EXOC2: variants seen among roughly 807,000 people sequenced by gnomAD.
EXOC2 encodes the protein exocyst complex component 2, also known as SEC5-like 1.
A neutral mutation model predicts 131.8 loss-of-function variants in EXOC2; 70 were observed. The observed-to-expected ratio is 0.53, with a 90% confidence interval of 0.44 to 0.65. The LOEUF (loss-of-function observed/expected upper bound fraction) is 0.65. EXOC2 is among the 30% of genes least tolerant of loss of function. The probability of loss-of-function intolerance (pLI) is 0.00; values close to 1 mark genes in which losing one functional copy is unlikely to be tolerated. For missense variants in EXOC2, 923 were observed against 1,108.6 expected, an observed-to-expected ratio of 0.83 and a Z score of 2.38; for synonymous variants, 411 against 398.4, an observed-to-expected ratio of 1.03 and a Z score of -0.38.
chr6:523,653 G>A (rs1215711860), intron 23 of EXOC2, among the ~76,000 whole-genome samples: 1 of 152,132 alleles, frequency 6.6e-6, no homozygotes, highest in Admixed American at 6.5e-5. Flanking sequence ...GTTTATTTTG[G>A]CAGGTGCCAA....
intron 1 of EXOC2, among the ~76,000 whole-genome samples, chr6:685,027 A>T (rs1406293822): frequency 2.0e-5 from 3 of 152,066 alleles, no homozygotes; most frequent in African/African-American, 7.2e-5. Context: ...GACTAGGATA[A>T]CCTCTACTCA....
At chr6:687,578 G>A (rs1764721976) in intron 1 of EXOC2, among the ~76,000 whole-genome samples, 1 of 149,890 alleles carries the variant, frequency 6.7e-6, no homozygotes, top group Admixed American at 6.7e-5. Context: ...GACAGTATTG[G>A]ACTCCTATAC....
At chr6:665,566 T>C (rs927885777) in intron 1 of EXOC2, among the ~76,000 whole-genome samples, 2 of 152,128 alleles carry the variant, frequency 1.3e-5, no homozygotes, top group African/African-American at 4.8e-5. Context: ...AAAGAAACTG[T>C]GGTATATATA....
At position 489,184 on chromosome 6, in the gene EXOC2, A is replaced by AAAAAGT. The variant is rs934038358; in HGVS notation, c.2622-152_2622-147dup. The AAAAAGT allele has an allele frequency of 1.7e-5, 14 of 805,706 alleles. No individual in the cohort carries two copies. The African/African-American group carries it at 1.7e-4, about 10-fold the overall frequency. 49.9% of individuals were successfully genotyped at this position (805,706 alleles called of 1,614,324 possible). ...AAAAAGTAAAAGTGAAAAACAATAG[A>AAAAAGT]AAAAGTAAAAGTAAAAGCGAAGGTG... is the stretch of plus-strand genomic sequence containing the variant. On this transcript the variant is annotated intron_variant, in intron 26 of 27. Transcript: ENST00000230449.
At chr6:531,800 T>G (rs1038984037) in intron 23 of EXOC2, among the ~76,000 whole-genome samples, 5 of 152,230 alleles carry the variant, frequency 3.3e-5, no homozygotes, top group Non-Finnish European at 5.9e-5. Flanking sequence ...TCTACAAAAG[T>G]GCCAACAGGC....
At chr6:623,306 G>A (rs1235556694) in intron 4 of EXOC2, among the ~76,000 whole-genome samples, 1 of 152,176 alleles carries the variant, frequency 6.6e-6, no homozygotes, top group Non-Finnish European at 1.5e-5. Context: ...CGTTCCTTCA[G>A]GCCCCTGAAC....
intron 3 of EXOC2, among the ~76,000 whole-genome samples, chr6:632,278 A>G (rs147832332): frequency 6.6e-6 from 1 of 152,374 alleles, no homozygotes; most frequent in East Asian, 1.9e-4. Context: ...TAAAGAAGGT[A>G]TTAAAGTTAC....
chr6:571,509 C>T (rs953175345), intron 13 of EXOC2, among the ~76,000 whole-genome samples: 2 of 152,206 alleles, frequency 1.3e-5, no homozygotes, highest in African/African-American at 4.8e-5. Flanking sequence ...TCCTTAATAT[C>T]AGCATGAATT....
At chr6:510,739 T>C (rs1013090776) in intron 23 of EXOC2, among the ~76,000 whole-genome samples, 2 of 152,228 alleles carry the variant, frequency 1.3e-5, no homozygotes, top group Non-Finnish European at 2.9e-5. Context: ...ACAAACTTGA[T>C]ACACTGAATT....
intron 23 of EXOC2, among the ~76,000 whole-genome samples, chr6:515,938 A>G (rs937212698): frequency 3.3e-5 from 5 of 152,214 alleles, no homozygotes; most frequent in Non-Finnish European, 7.3e-5. Context: ...ACCAGCGACT[A>G]AACTACCAAG....
At position 596,523 on chromosome 6, in the gene EXOC2, GC is replaced by G. The variant is rs551590048; in HGVS notation, c.1073+1497del. 5.4e-4 allele frequency among the ~76,000 whole-genome samples: 81 copies of G among 150,258 alleles called. No homozygotes were observed. In the South Asian group the frequency reaches 0.017, roughly 31 times the overall value. Reference sequence around the variant, plus strand: ...GCTGGGTCTACAGGCATGCATCCCCGCATCTGGCTAATTTTTGATTTTTTGC... The same window carrying G: ...GCTGGGTCTACAGGCATGCATCCCCGATCTGGCTAATTTTTGATTTTTTGC... On this transcript the variant is annotated intron_variant, in intron 10 of 27. Coordinates refer to ENST00000230449, the MANE Select transcript of EXOC2 (RefSeq NM_018303.6).
intron 1 of EXOC2, among the ~76,000 whole-genome samples, chr6:675,134 TGTGA>T (rs1764051469): frequency 6.6e-6 from 1 of 152,212 alleles, no homozygotes; most frequent in Non-Finnish European, 1.5e-5. Flanking sequence ...CTCTTGGAAC[TGTGA>T]GTAACACAAT....
At chr6:668,687 C>G (rs1763725249) in intron 1 of EXOC2, among the ~76,000 whole-genome samples, 1 of 152,176 alleles carries the variant, frequency 6.6e-6, no homozygotes, top group South Asian at 2.1e-4. Flanking sequence ...CTCTTGGGAT[C>G]TACCAGTAAT....
intron 21 of EXOC2, among the ~76,000 whole-genome samples, chr6:549,644 T>A (rs909621090): frequency 6.6e-6 from 1 of 152,258 alleles, no homozygotes; most frequent in African/African-American, 2.4e-5. Context: ...GTTTACTTAA[T>A]ACTTTGTATA....
At chr6:517,839 TTAA>T (rs1765240083) in intron 23 of EXOC2, among the ~76,000 whole-genome samples, 1 of 152,100 alleles carries the variant, frequency 6.6e-6, no homozygotes, top group African/African-American at 2.4e-5. Context: ...AAGGAACAGG[TTAA>T]ATGACACCAT....
At chr6:521,043 TCGCCGTCCA>T (rs1765422879) in intron 23 of EXOC2, among the ~76,000 whole-genome samples, 1 of 136,506 alleles carries the variant, frequency 7.3e-6, no homozygotes, top group African/African-American at 2.7e-5. Context: ...GCGCCGACAC[TCGCCGTCCA>T]CACTCGGAGA....
chr6:602,626 C>T lies in EXOC2; in HGVS notation c.743-3401G>A, dbSNP rs147727824. On this transcript the variant is annotated intron_variant, in intron 7 of 27. Transcript: ENST00000230449. ...GGCCTCATAGGCTGTAGGACAAACC[C>T]TGATCTCTATTTGCCAGCCTTGGGC... 4.0e-3 allele frequency among the ~76,000 whole-genome samples: 607 copies of T among 152,346 alleles called. 4 individuals are homozygous for T. The highest frequency in any genetic ancestry group is 0.013 in the South Asian group (65 of 4,822).
chr6:493,314 A>G (rs894040546), intron 25 of EXOC2, among the ~76,000 whole-genome samples: 3 of 152,230 alleles, frequency 2.0e-5, no homozygotes, highest in African/African-American at 7.2e-5. Context: ...GAAAGTTACA[A>G]ATGCTAGAAA....
At chr6:488,094 G>T (rs566681681) in intron 27 of EXOC2, among the ~76,000 whole-genome samples, 8 of 152,364 alleles carry the variant, frequency 5.3e-5, no homozygotes, top group African/African-American at 1.7e-4. Flanking sequence ...CAGCTGCCAT[G>T]TGCCCACGTG....
Sources: allele counts gnomAD v4.1 joint callset (sites outside exome capture counted in the v4.1 genomes callset), GRCh38; gene constraint gnomAD v4.1.1; transcripts MANE v1.5; gene names NCBI Gene and HGNC (gene_info 2026-07-23, HGNC 2026-07-21).